The following RBM19 variants were observed in gnomAD, a reference collection of about 807,000 sequenced individuals.
RBM19 encodes RNA binding motif protein 19, also known as probable RNA-binding protein 19.
A neutral mutation model predicts 116.8 loss-of-function variants in RBM19; 94 were observed. The ratio of observed to expected loss-of-function variants is 0.80; its 90% CI spans 0.68 to 0.95. RBM19 has a LOEUF of 0.95. Ranked by LOEUF, RBM19 falls within the 40% of genes least tolerant of loss-of-function variation. RBM19 has a pLI of 0.00. For synonymous variants in RBM19, 475 were observed against 494.1 expected, an observed-to-expected ratio of 0.96 and a Z score of 0.51; for missense variants, 1,161 against 1,220.7, an observed-to-expected ratio of 0.95 and a Z score of 0.73.
intron 21 of RBM19, among the ~76,000 whole-genome samples, chr12:113,859,924 G>A (rs997697739): frequency 1.3e-5 from 2 of 152,212 alleles, no homozygotes; most frequent in Non-Finnish European, 2.9e-5. Flanking sequence ...AAGGCCGTAA[G>A]CTCTCGTGAA....
chr12:113,900,438 C>T (rs1881616553), intron 21 of RBM19, among the ~76,000 whole-genome samples: 1 of 152,344 alleles, frequency 6.6e-6, no homozygotes, highest in East Asian at 1.9e-4. Context: ...CAAACAGTCT[C>T]AATCCTCCCG....
intron 21 of RBM19, among the ~76,000 whole-genome samples, chr12:113,885,371 G>C (rs577997667): frequency 1.3e-5 from 2 of 152,184 alleles, no homozygotes; most frequent in African/African-American, 2.4e-5. Context: ...AAACTGTCAG[G>C]GTCGTGAAAA....
intron 5 of RBM19, 90 bp from the exon 6 acceptor site, chr12:113,958,140 G>A: frequency 1.3e-6 from 2 of 1,517,224 alleles, no homozygotes; most frequent in East Asian, 2.3e-5. Context: ...CCTAGTGAGA[G>A]GCCTGAGGCA....
At chr12:113,849,196 C>T (rs1877246934) in intron 22 of RBM19, among the ~76,000 whole-genome samples, 1 of 152,242 alleles carries the variant, frequency 6.6e-6, no homozygotes, top group South Asian at 2.1e-4. Flanking sequence ...CTGCTCCCTG[C>T]CCCATAATGC....
At chr12:113,833,653 C>T (rs1299922348) in intron 23 of RBM19, among the ~76,000 whole-genome samples, 1 of 152,230 alleles carries the variant, frequency 6.6e-6, no homozygotes, top group African/African-American at 2.4e-5. Flanking sequence ...GAAATGCTGA[C>T]TTGGCAGAAA....
chr12:113,888,607 C>A (rs1312773599), intron 21 of RBM19, among the ~76,000 whole-genome samples: 2 of 152,022 alleles, frequency 1.3e-5, no homozygotes, highest in South Asian at 4.2e-4. Flanking sequence ...GCATCAGTTC[C>A]CCCATTCAAC....
At chr12:113,832,002 C>G (rs1304475713) in intron 23 of RBM19, among the ~76,000 whole-genome samples, 2 of 152,022 alleles carry the variant, frequency 1.3e-5, no homozygotes, top group African/African-American at 2.4e-5. Context: ...CTGCCTTGAC[C>G]GAAAGAATTC....
Position 113,948,684 on chromosome 12 carries a change from G to C in RBM19, c.1276+149C>G, listed in dbSNP as rs1871236180. On this transcript the variant is annotated intron_variant, in intron 10 of 23. Coordinates refer to ENST00000261741, the MANE Select transcript of RBM19 (RefSeq NM_016196.4). ...GTCACTGAATCCTCACAGCAGCTCA[G>C]GGGTACTTGGTCCCATTTTACAGAT... is the stretch of plus-strand genomic sequence containing the variant. The C allele has an allele frequency of 1.1e-5, 8 of 737,042 alleles. No homozygotes were observed. The East Asian group carries it at 2.2e-4, about 20-fold the overall frequency. 45.7% of individuals were successfully genotyped at this position (737,042 alleles called of 1,614,324 possible). A position where few individuals can be genotyped will look rare whatever the true frequency, so the allele number is the denominator to read the frequency against.
intron 13 of RBM19, among the ~76,000 whole-genome samples, chr12:113,945,468 C>T (rs1870932080): frequency 6.6e-6 from 1 of 152,198 alleles, no homozygotes; most frequent in Non-Finnish European, 1.5e-5. Flanking sequence ...TTATTGTGTC[C>T]CTGGATCTCG....
chr12:113,841,898 G>C lies in RBM19; in HGVS notation c.2785+2770C>G, dbSNP rs531379364. 7.9e-5 allele frequency among the ~76,000 whole-genome samples: 12 copies of C among 152,294 alleles called. No individual in the cohort carries two copies. The East Asian group carries it at 2.3e-3, about 29-fold the overall frequency. The stretch of plus-strand genomic sequence containing the variant: ...TTGCTGTGAGCACTGAGATGATGCC[G>C]GTGTGAGGATGGCCCCCTGATGCAC... On this transcript the variant is annotated intron_variant, in intron 23 of 23. Coordinates refer to ENST00000261741, the MANE Select transcript of RBM19 (RefSeq NM_016196.4).
intron 21 of RBM19, among the ~76,000 whole-genome samples, chr12:113,897,101 C>G (rs1040270880): frequency 4.6e-5 from 7 of 152,212 alleles, no homozygotes; most frequent in Non-Finnish European, 1.0e-4. Flanking sequence ...TTACTGAGCC[C>G]TCCCAATAGA....
At chr12:113,962,734 A>G (rs960584545) in intron 1 of RBM19, among the ~76,000 whole-genome samples, 14 of 152,230 alleles carry the variant, frequency 9.2e-5, no homozygotes, top group Admixed American at 9.2e-4. Flanking sequence ...CATAGTAGAT[A>G]CCTAATAAAT....
chr12:113,846,604 C>T (rs1303456495), intron 22 of RBM19, among the ~76,000 whole-genome samples: 1 of 152,110 alleles, frequency 6.6e-6, no homozygotes, highest in Non-Finnish European at 1.5e-5. Flanking sequence ...GCCAACTGTC[C>T]CCAGCAGCCA....
At chr12:113,911,627 T>C (rs1882434730) in intron 21 of RBM19, among the ~76,000 whole-genome samples, 1 of 152,110 alleles carries the variant, frequency 6.6e-6, no homozygotes, top group Non-Finnish European at 1.5e-5. Flanking sequence ...ATCCTTATAG[T>C]CCTTGAGGCC....
At chr12:113,895,385 C>T (rs1881250127) in intron 21 of RBM19, among the ~76,000 whole-genome samples, 1 of 152,122 alleles carries the variant, frequency 6.6e-6, no homozygotes, top group Admixed American at 6.6e-5. Context: ...ACATGCCCGG[C>T]TCCAAACCCA....
intron 21 of RBM19, among the ~76,000 whole-genome samples, chr12:113,892,973 T>C (rs1050130102): frequency 6.6e-6 from 1 of 152,144 alleles, no homozygotes; most frequent in Non-Finnish European, 1.5e-5. Flanking sequence ...AGTCTTTTTT[T>C]CTATGCATAT....
intron 22 of RBM19, among the ~76,000 whole-genome samples, chr12:113,846,727 T>A (rs544862022): frequency 6.6e-6 from 1 of 152,260 alleles, no homozygotes; most frequent in South Asian, 2.1e-4. Context: ...TTTTAAAATG[T>A]GTTTTGAGGC....
At chr12:113,859,427 G>A (rs1398099576) in intron 21 of RBM19, among the ~76,000 whole-genome samples, 4 of 152,220 alleles carry the variant, frequency 2.6e-5, no homozygotes, top group Admixed American at 2.6e-4. Context: ...CCTGGGACAT[G>A]TATTTCTTCA....
intron 23 of RBM19, among the ~76,000 whole-genome samples, chr12:113,841,348 G>A (rs1876452784): frequency 6.6e-6 from 1 of 152,160 alleles, no homozygotes; most frequent in African/African-American, 2.4e-5. Flanking sequence ...GAGTTAGAAG[G>A]GCCAAAGCCA....
Sources: allele counts gnomAD v4.1 joint callset (sites outside exome capture counted in the v4.1 genomes callset), GRCh38; gene constraint gnomAD v4.1.1; transcripts MANE v1.5; gene names NCBI Gene and HGNC (gene_info 2026-07-23, HGNC 2026-07-21).